GRIA4: variants seen among roughly 807,000 people sequenced by gnomAD.
GRIA4 encodes glutamate ionotropic receptor AMPA type subunit 4.
In GRIA4, 34 loss-of-function variants were observed where a neutral mutation model predicts 104.0. The observed-to-expected ratio is 0.33, with a 90% CI of 0.25 to 0.44. GRIA4 has a LOEUF of 0.44. GRIA4 is among the 20% of genes least tolerant of loss of function. GRIA4 has a pLI of 1.00. For synonymous variants in GRIA4, 386 were observed against 381.9 expected, an observed-to-expected ratio of 1.01 and a Z score of -0.13; for missense variants, 750 against 1,096.5, an observed-to-expected ratio of 0.68 and a Z score of 4.46.
At chr11:105,878,544 C>T (rs1186532396) in intron 5 of GRIA4, among the ~76,000 whole-genome samples, 1 of 152,212 alleles carries the variant, frequency 6.6e-6, no homozygotes, top group Admixed American at 6.5e-5. Flanking sequence ...TTCTCTGTCA[C>T]AGGGAGATGG....
chr11:105,741,165 A>G (rs1939280248), intron 3 of GRIA4, among the ~76,000 whole-genome samples: 1 of 152,210 alleles, frequency 6.6e-6, no homozygotes. Flanking sequence ...AGATGTGGAA[A>G]TAAGAGGAAG....
At chr11:105,718,648 C>T (rs1350232835) in intron 3 of GRIA4, among the ~76,000 whole-genome samples, 1 of 152,166 alleles carries the variant, frequency 6.6e-6, no homozygotes, top group Non-Finnish European at 1.5e-5. Context: ...CTAACACATG[C>T]ATTGGGTTCA....
intron 14 of GRIA4, among the ~76,000 whole-genome samples, chr11:105,941,887 ATT>A (rs1948188028): frequency 6.6e-6 from 1 of 152,032 alleles, no homozygotes; most frequent in African/African-American, 2.4e-5. Context: ...GCCTCTGAAT[ATT>A]TCATTTTGTA....
chr11:105,617,746 C>G lies in GRIA4; in HGVS notation c.247+5312C>G, dbSNP rs567099367. Among the ~76,000 whole-genome samples, 9 of 152,106 alleles carry G rather than the reference C, an allele frequency of 5.9e-5. No homozygotes were observed. The South Asian group carries it at 1.9e-3, about 32-fold the overall frequency. ...CATCAAACATGTTTATCAAGAGCAACTCTATTCAAGACATTATGCTAGCAG... is the reference window on the plus strand; with the variant it reads ...CATCAAACATGTTTATCAAGAGCAAGTCTATTCAAGACATTATGCTAGCAG... On this transcript the variant is annotated intron_variant, in intron 3 of 16. Coordinates refer to ENST00000282499, the MANE Select transcript of GRIA4 (RefSeq NM_000829.4).
intron 4 of GRIA4, among the ~76,000 whole-genome samples, chr11:105,796,619 G>C (rs1388332239): frequency 1.3e-5 from 2 of 152,132 alleles, no homozygotes; most frequent in African/African-American, 2.4e-5. Flanking sequence ...GTAGACCATA[G>C]GTAGTGAGTA....
At chr11:105,701,334 G>A (rs1322907496) in intron 3 of GRIA4, among the ~76,000 whole-genome samples, 1 of 152,154 alleles carries the variant, frequency 6.6e-6, no homozygotes, top group African/African-American at 2.4e-5. Flanking sequence ...GTTCTTGACT[G>A]CAATGAAAGT....
intron 6 of GRIA4, among the ~76,000 whole-genome samples, chr11:105,894,313 A>T (rs1946564208): frequency 6.6e-6 from 1 of 152,170 alleles, no homozygotes; most frequent in Non-Finnish European, 1.5e-5. Flanking sequence ...CTGGAATCTT[A>T]GCTCTACCAT....
intron 4 of GRIA4, among the ~76,000 whole-genome samples, chr11:105,794,473 G>GTGTATATATA (rs1555010324): frequency 9.1e-5 from 4 of 43,884 alleles, no homozygotes; most frequent in South Asian, 8.0e-4. Context: ...GTATATGTAT[G>GTGTATATATA]TATATATATA....
At chr11:105,710,163 T>G (rs1953860350) in intron 3 of GRIA4, among the ~76,000 whole-genome samples, 1 of 152,116 alleles carries the variant, frequency 6.6e-6, no homozygotes, top group African/African-American at 2.4e-5. Flanking sequence ...AGTTTTACCT[T>G]GATGAAATTC....
chr11:105,639,418 C>T (rs1027959064), intron 3 of GRIA4, among the ~76,000 whole-genome samples: 2 of 151,950 alleles, frequency 1.3e-5, no homozygotes, highest in African/African-American at 4.8e-5. Flanking sequence ...ATGAAGATCT[C>T]AGCATCGCAG....
intron 3 of GRIA4, among the ~76,000 whole-genome samples, chr11:105,710,286 T>G (rs1953864865): frequency 6.6e-6 from 1 of 152,058 alleles, no homozygotes; most frequent in Non-Finnish European, 1.5e-5. Flanking sequence ...AAGAAACACC[T>G]TTTCCTACTT....
chr11:105,722,822 T>C (rs1299300051), intron 3 of GRIA4, among the ~76,000 whole-genome samples: 1 of 152,114 alleles, frequency 6.6e-6, no homozygotes, highest in Non-Finnish European at 1.5e-5. Flanking sequence ...TAGATAAATA[T>C]TTAAGATTTA....
In GRIA4 at chr11:105,934,236, G is replaced by T. The variant is rs116119092; in HGVS notation, c.2294+267G>T. On this transcript the variant is annotated intron_variant, in intron 14 of 16. Transcript: ENST00000282499. Reference sequence around the variant, plus strand: ...CTGCTTCCAGTGGGCCTAAGGCATGGGTAGCATATGCTTCTTTATATCTCA... The same window carrying T: ...CTGCTTCCAGTGGGCCTAAGGCATGTGTAGCATATGCTTCTTTATATCTCA... 8.0e-3 allele frequency among the ~76,000 whole-genome samples: 1,217 copies of T among 151,934 alleles called. 16 individuals carry two copies. Among genetic ancestry groups the T allele is most frequent in the African/African-American group, 0.027 (1,134 of 41,462 alleles).
chr11:105,925,783 T>C (rs983470575), intron 12 of GRIA4, among the ~76,000 whole-genome samples: 1 of 152,104 alleles, frequency 6.6e-6, no homozygotes, highest in African/African-American at 2.4e-5. Flanking sequence ...TAATAGCAAG[T>C]ATTATAATAA....
chr11:105,953,477 G>A lies in GRIA4; in HGVS notation c.2295-18437G>A, dbSNP rs554337182. Among the ~76,000 whole-genome samples, 93 of 152,164 alleles carry A rather than the reference G, an allele frequency of 6.1e-4. 2 individuals are homozygous for A. The South Asian group carries it at 0.017, about 28-fold the overall frequency. On this transcript the variant is annotated intron_variant, in intron 14 of 16. Coordinates refer to ENST00000282499, the MANE Select transcript of GRIA4 (RefSeq NM_000829.4). Reference sequence around the variant, plus strand: ...TATTTCATCTTGTTATATGGAATACGCATAGAACTTTTGTGAAAATACTGA... The same window carrying A: ...TATTTCATCTTGTTATATGGAATACACATAGAACTTTTGTGAAAATACTGA...
At chr11:105,865,132 T>A (rs931359793) in intron 5 of GRIA4, among the ~76,000 whole-genome samples, 2 of 152,198 alleles carry the variant, frequency 1.3e-5, no homozygotes, top group Non-Finnish European at 2.9e-5. Context: ...TAGCTAGACA[T>A]ATACTCATTC....
chr11:105,763,920 T>C (rs776918563), intron 4 of GRIA4, among the ~76,000 whole-genome samples: 3 of 152,206 alleles, frequency 2.0e-5, no homozygotes, highest in Non-Finnish European at 4.4e-5. Context: ...TAGCAACGGG[T>C]ATGTCAGATT....
At chr11:105,882,316 T>A (rs1946096549) in intron 5 of GRIA4, among the ~76,000 whole-genome samples, 1 of 152,186 alleles carries the variant, frequency 6.6e-6, no homozygotes, top group African/African-American at 2.4e-5. Flanking sequence ...CCACTGCATG[T>A]CTTTAGTTTG....
chr11:105,902,304 TG>T (rs1946886917), intron 7 of GRIA4, among the ~76,000 whole-genome samples: 1 of 151,994 alleles, frequency 6.6e-6, no homozygotes, highest in East Asian at 1.9e-4. Flanking sequence ...ATGGCCGTGT[TG>T]CCTAAGTTTA....
Sources: gnomAD v4.1 joint callset for allele counts (sites outside exome capture counted in the v4.1 genomes callset) on GRCh38, gnomAD v4.1.1 for gene constraint, MANE v1.5 for transcripts, NCBI Gene and HGNC (gene_info 2026-07-23, HGNC 2026-07-21) for gene names.